The following TBC1D10C variants were observed in gnomAD, a reference collection of about 807,000 sequenced individuals.
TBC1D10C encodes the protein TBC1 domain family member 10C, also known as carabin.
A neutral mutation model predicts 51.0 loss-of-function variants in TBC1D10C; 49 were observed. The observed-to-expected ratio is 0.96, with a 90% CI of 0.76 to 1.22. The LOEUF is 1.22. Among genes scored for constraint, TBC1D10C ranks in the 50% most tolerant of loss-of-function variants. TBC1D10C has a pLI of 0.00. For missense variants in TBC1D10C, 541 were observed against 617.5 expected (o/e 0.88, Z 1.31); for synonymous variants, 281 against 266.7 (o/e 1.05, Z -0.52).
At position 67,409,097 on chromosome 11, in the gene TBC1D10C, C is replaced by G. The variant is rs748664051; in HGVS notation, c.957C>G (p.Pro319=). ...CACTGGGAGCCCTTCGAGCCATCCC[C>G]CCCGCGCAGCTGCAGGAGGAGGCCT... ...LETLGALRAI[P]PAQLQEEAFM... Residue 319 remains proline, a synonymous_variant, in exon 8 of 9, where the codon CCC becomes CCG. Transcript: ENST00000542590. 9 of 1,600,950 alleles carry G rather than the reference C, an allele frequency of 5.6e-6. No homozygotes were observed. Among genetic ancestry groups the G allele is most frequent in the South Asian group, 1.1e-5 (1 of 89,576 alleles).
At chr11:67,406,776 G>A (rs1271088350) in intron 6 of TBC1D10C, 51 bp from the exon 7 acceptor site, 3 of 1,609,870 alleles carry the variant, frequency 1.9e-6, no homozygotes, top group East Asian at 2.2e-5. Flanking sequence ...GGGAGGTTGA[G>A]CCTGGGCTCT....
rs1349393432 is a variant in TBC1D10C, at chr11:67,409,004, G to A, written c.864G>A (p.Gly288=). 3.2e-6 allele frequency: 5 copies of A among 1,566,600 alleles called. No individual in the cohort carries two copies. The Admixed American group carries it at 9.4e-5, about 30-fold the overall frequency. ...SEGARVLFRV[G]LTLVRLALGT... ...GTGCCAGAGTACTGTTCCGTGTGGG[G>A]CTGACACTGGTGCGCCTGGCGCTGG... The change falls in exon 8 of 9, where the codon GGG becomes GGA. Residue 288 remains glycine, a synonymous_variant. Coordinates refer to ENST00000542590, the MANE Select transcript of TBC1D10C (RefSeq NM_001369496.1).
upstream of TBC1D10C, chr11:67,404,072 G>T: frequency 4.3e-6 from 5 of 1,171,710 alleles, no homozygotes; most frequent in South Asian, 9.1e-5. Flanking sequence ...AGGAGACATA[G>T]GGGGCTTGGT....
Position 67,405,508 on chromosome 11 carries a change from T to C in TBC1D10C, c.360+2T>C. On this transcript the variant is annotated splice_donor_variant, in intron 3 of 8. Transcript: ENST00000542590. LOFTEE classifies it high-confidence loss of function. ...AAGAACAGCCCTGGCACCTATCAGG[T>C]GAGGGAGTGGGCAGGGGCCCCAATT... 6.2e-7 allele frequency: 1 copy of C among 1,611,214 alleles called. No homozygotes were observed. Among genetic ancestry groups the C allele is most frequent in the Non-Finnish European group, 8.5e-7 (1 of 1,179,258 alleles).
At position 67,409,633 on chromosome 11, in the gene TBC1D10C, G is replaced by A. The variant is rs779615548; in HGVS notation, c.1220G>A (p.Arg407Gln). ...CCGGAGGAGCCCAGACCACCGCGGC[G>A]GAAACCCCAGACCCGCGGCAAGACT... is the stretch of plus-strand genomic sequence containing the variant. ...QPPEEPRPPR[R>Q]KPQTRGKTFH... Residue 407 changes from arginine (R) to glutamine (Q), a missense_variant, in exon 9 of 9, where the codon CGG becomes CAG. Coordinates refer to ENST00000542590, the MANE Select transcript of TBC1D10C (RefSeq NM_001369496.1). The A allele has an allele frequency of 2.5e-5, 40 of 1,586,698 alleles. No homozygotes were observed. The African/African-American group carries it at 3.8e-4, about 15-fold the overall frequency.
Position 67,408,899 on chromosome 11 carries a change from A to G in TBC1D10C, c.839-80A>G, listed in dbSNP as rs1335993685. On this transcript the variant is annotated intron_variant, in intron 7 of 8. Transcript: ENST00000542590. ...GCAGAGCTGCAGGAGAGTGGGAGGC[A>G]TATGGCTGAGGGCAGGTTTGGGTGC... The G allele has an allele frequency of 4.1e-6, 6 of 1,470,696 alleles. No homozygotes were observed. In the African/African-American group the frequency reaches 5.8e-5, roughly 14 times the overall value. 91.1% of individuals were successfully genotyped at this position (1,470,696 alleles called of 1,614,324 possible).
At chr11:67,404,024 T>C (rs1245302849), upstream of TBC1D10C, 3 of 711,920 alleles carry the variant, frequency 4.2e-6, no homozygotes, top group East Asian at 1.0e-4. Flanking sequence ...GCCTGGCTTT[T>C]CTGTCAGGGC....
Position 67,409,018 on chromosome 11 carries a change from G to C in TBC1D10C, c.878G>C (p.Arg293Pro). 6.4e-7 allele frequency: 1 copy of C among 1,574,424 alleles called. No homozygotes were observed. The highest frequency in any genetic ancestry group is 2.3e-5 in the East Asian group (1 of 42,624). Residue 293 changes from arginine (R) to proline (P), a missense_variant, in exon 8 of 9, where the codon CGC (arginine) becomes CCC (proline). Transcript: ENST00000542590. ...VLFRVGLTLV[R>P]LALGTAEQRG... is the part of the protein sequence containing the mutation. ...TTCCGTGTGGGGCTGACACTGGTGCGCCTGGCGCTGGGCACTGCAGAGCAG... is the reference window on the plus strand; with the variant it reads ...TTCCGTGTGGGGCTGACACTGGTGCCCCTGGCGCTGGGCACTGCAGAGCAG...
In TBC1D10C at chr11:67,409,957, G is replaced by A. The variant is rs1006453172; in HGVS notation, c.*203G>A. ...GGAGGAGGGTCACAGAGTGGGGCAC[G>A]TGAGGACCCATGGAACCGTCCTGGT... On this transcript the variant is annotated 3_prime_UTR_variant, in exon 9 of 9. Coordinates refer to ENST00000542590, the MANE Select transcript of TBC1D10C (RefSeq NM_001369496.1). The A allele has an allele frequency of 1.9e-5, 11 of 570,526 alleles. No homozygotes were observed. Among genetic ancestry groups the A allele is most frequent in the African/African-American group, 1.8e-4 (9 of 51,370 alleles). 35.3% of individuals were successfully genotyped at this position (570,526 alleles called of 1,614,324 possible).
Position 67,406,941 on chromosome 11 carries a change from T to G in TBC1D10C, c.763T>G (p.Trp255Gly), listed in dbSNP as rs1319005754. 6.2e-7 allele frequency: 1 copy of G among 1,613,084 alleles called. No homozygotes were observed. Among genetic ancestry groups the G allele is most frequent in the Non-Finnish European group, 8.5e-7 (1 of 1,179,934 alleles). The change falls in exon 7 of 9, where the codon TGG (tryptophan) becomes GGG (glycine). Residue 255 changes from tryptophan to glycine, a missense_variant. Transcript: ENST00000542590. ...GVGPLLYLPE[W>G]FLCLFARSLP... is the part of the protein sequence containing the mutation. ...CGGACCCCTGCTGTACCTGCCCGAG[T>G]GGTTCCTGTGCCTCTTCGCCCGCTC...
chr11:67,409,415 C>A lies in TBC1D10C; in HGVS notation c.1002C>A (p.Ser334Arg). 2 of 1,548,758 alleles carry A rather than the reference C, an allele frequency of 1.3e-6. No homozygotes were observed. The highest frequency in any genetic ancestry group is 1.7e-6 in the Non-Finnish European group (2 of 1,146,510). Residue 334 changes from serine (S) to arginine (R), a missense_variant, in exon 9 of 9, where the codon AGC becomes AGA. Physicochemically the swap from Ser to Arg is moderately radical, Grantham distance 110. Coordinates refer to ENST00000542590, the MANE Select transcript of TBC1D10C (RefSeq NM_001369496.1). ...QEEAFMSQVH[S>R]VVLSERDLQR... ...CCAACTGCTCCCCACAGGTGCACAG[C>A]GTGGTGCTGTCAGAGCGGGACCTGC... is the stretch of plus-strand genomic sequence containing the variant.
Position 67,406,949 on chromosome 11 carries a change from G to C in TBC1D10C, c.771G>C (p.Leu257=), listed in dbSNP as rs1341528521. Residue 257 remains leucine, a synonymous_variant, in exon 7 of 9, where the codon CTG becomes CTC. Coordinates refer to ENST00000542590, the MANE Select transcript of TBC1D10C (RefSeq NM_001369496.1). ...TGCTGTACCTGCCCGAGTGGTTCCT[G>C]TGCCTCTTCGCCCGCTCCCTGCCCT... ...GPLLYLPEWF[L]CLFARSLPFP... The C allele has an allele frequency of 6.2e-7, 1 of 1,613,262 alleles. No homozygotes were observed.
chr11:67,405,746 C>G, intron 4 of TBC1D10C, 45 bp downstream of exon 4: 1 of 1,605,052 alleles, frequency 6.2e-7, no homozygotes, highest in Middle Eastern at 1.7e-4. Context: ...CCACAAGCCC[C>G]AGGTGCTCCA....
At chr11:67,407,383 A>C (rs940930140) in intron 7 of TBC1D10C, 11 of 215,358 alleles carry the variant, frequency 5.1e-5, no homozygotes, top group African/African-American at 2.1e-4. Flanking sequence ...GAGACCTTCA[A>C]TTCTGGCGGG....
chr11:67,406,067 G>A, intron 5 of TBC1D10C, 50 bp downstream of exon 5: 1 of 1,441,822 alleles, frequency 6.9e-7, no homozygotes, highest in South Asian at 1.4e-5. Context: ...TAGGCCCAGG[G>A]AACCCCATCC....
In TBC1D10C at chr11:67,409,614, G is replaced by A. The variant is rs1590951281; in HGVS notation, c.1201G>A (p.Glu401Lys). ...TCGGATTGTGGTGCAGCCCCCGGAG[G>A]AGCCCAGACCACCGCGGCGGAAACC... The part of the protein sequence containing the change: ...VPRIVVQPPE[E>K]PRPPRRKPQT... Residue 401 changes from glutamate (E) to lysine (K), a missense_variant, in exon 9 of 9, where the codon GAG becomes AAG. Coordinates refer to ENST00000542590, the MANE Select transcript of TBC1D10C (RefSeq NM_001369496.1). The A allele has an allele frequency of 1.1e-5, 17 of 1,559,228 alleles. No individual in the cohort carries two copies. The highest frequency in any genetic ancestry group is 1.4e-5 in the Non-Finnish European group (16 of 1,152,670).
In TBC1D10C at chr11:67,409,692, C is replaced by T. The variant is rs756681324; in HGVS notation, c.1279C>T (p.Pro427Ser). Reference protein sequence around the residue: ...HGLLTRARGPPIEGPPRPQRG... With the variant: ...HGLLTRARGPSIEGPPRPQRG... ...GCTCCTGACTCGGGCCCGGGGCCCC[C>T]CCATCGAGGGGCCCCCCAGGCCCCA... The change falls in exon 9 of 9, where the codon CCC becomes TCC. Residue 427 changes from proline to serine, a missense_variant. Transcript: ENST00000542590. 336 of 1,596,648 alleles carry T rather than the reference C, an allele frequency of 2.1e-4. 1 individual carries two copies. Among genetic ancestry groups the T allele is most frequent in the Middle Eastern group, 3.5e-4 (2 of 5,698 alleles).
rs751910113 is a variant in TBC1D10C at position 67,409,678 on chromosome 11, G to C, written c.1265G>C (p.Arg422Pro). ...AAGACTTTCCATGGGCTCCTGACTC[G>C]GGCCCGGGGCCCCCCCATCGAGGGG... ...RGKTFHGLLT[R>P]ARGPPIEGPP... Residue 422 changes from arginine (R) to proline (P), a missense_variant, in exon 9 of 9, where the codon CGG becomes CCG. Physicochemically the swap from Arg to Pro is moderately radical, Grantham distance 103. Coordinates refer to ENST00000542590, the MANE Select transcript of TBC1D10C (RefSeq NM_001369496.1). 9 of 1,598,924 alleles carry C rather than the reference G, an allele frequency of 5.6e-6. No individual in the cohort carries two copies. Among genetic ancestry groups the C allele is most frequent in the South Asian group, 2.2e-5 (2 of 90,410 alleles).
At chr11:67,407,517 G>A in intron 7 of TBC1D10C, 1 of 161,328 alleles carries the variant, frequency 6.2e-6, no homozygotes. Flanking sequence ...GGCGATGGCT[G>A]CATTTAAGCT....
Sources: allele counts gnomAD v4.1 joint callset, GRCh38; gene constraint gnomAD v4.1.1; transcripts MANE v1.5; gene names NCBI Gene and HGNC (gene_info 2026-07-23, HGNC 2026-07-21).